The following PRPF6 variants were observed in gnomAD, a reference collection of about 807,000 sequenced individuals.
PRPF6 encodes the protein pre-mRNA processing factor 6.
In PRPF6, 42 loss-of-function variants were observed where a neutral mutation model predicts 118.3. That is an observed-to-expected ratio of 0.35 (90% confidence interval 0.28 to 0.46). The LOEUF is 0.46. Ranked by LOEUF, PRPF6 falls within the 20% of genes least tolerant of loss-of-function variation. The pLI, the probability that PRPF6 is intolerant of heterozygous loss-of-function variation, is 1.00. For synonymous variants in PRPF6, 481 were observed against 485.1 expected, an observed-to-expected ratio of 0.99 and a Z score of 0.11; for missense variants, 662 against 1,255.7, an observed-to-expected ratio of 0.53 and a Z score of 7.15.
intron 3 of PRPF6, among the ~76,000 whole-genome samples, chr20:63,986,642 C>T (rs945266724): frequency 1.3e-5 from 2 of 151,396 alleles, no homozygotes; most frequent in Non-Finnish European, 2.9e-5. Flanking sequence ...TTGCCCGCCA[C>T]CACGCCTGGC....
At chr20:64,019,100 T>G (rs1478968587) in intron 12 of PRPF6, among the ~76,000 whole-genome samples, 1 of 149,156 alleles carries the variant, frequency 6.7e-6, no homozygotes, top group Non-Finnish European at 1.5e-5. Context: ...TGGTTTTTTT[T>G]TTTTTTTTTT....
intron 12 of PRPF6, among the ~76,000 whole-genome samples, chr20:64,021,184 C>G (rs560167359): frequency 1.3e-5 from 2 of 151,994 alleles, no homozygotes; most frequent in Non-Finnish European, 2.9e-5. Flanking sequence ...CCACAGCCCT[C>G]TGTGTGTGTG....
At chr20:64,002,694 A>G (rs2059173285) in intron 9 of PRPF6, among the ~76,000 whole-genome samples, 1 of 138,036 alleles carries the variant, frequency 7.2e-6, no homozygotes, top group Non-Finnish European at 1.5e-5. Context: ...CCCAGGCTGG[A>G]GTGCAATGGC....
chr20:64,027,849 G>T lies in PRPF6; in HGVS notation c.2339+113G>T. ...TCGTGCAGTGCTTCCAGGCTCAGGG[G>T]CTTGGGGGGCGGTAGGTGCTGGCCA... On this transcript the variant is annotated intron_variant, in intron 17 of 20. Coordinates refer to ENST00000266079, the MANE Select transcript of PRPF6 (RefSeq NM_012469.4). This position sits in a 1 kb window ranked among gnomAD's most constrained non-coding sequence, Gnocchi z 6.5. 6.8e-7 allele frequency: 1 copy of T among 1,480,742 alleles called. No individual in the cohort carries two copies. The highest frequency in any genetic ancestry group is 1.1e-5 in the South Asian group (1 of 87,674). 91.7% of individuals were successfully genotyped at this position (1,480,742 alleles called of 1,614,324 possible).
chr20:64,022,797 A>G lies in PRPF6; in HGVS notation c.1688A>G (p.Tyr563Cys). 1 of 1,614,102 alleles carries G rather than the reference A, an allele frequency of 6.2e-7. No homozygotes were observed. The highest frequency in any genetic ancestry group is 8.5e-7 in the Non-Finnish European group (1 of 1,180,016). ...HNALECARAI[Y>C]AYALQVFPSK... ...GCCCTGGAGTGTGCACGAGCCATCT[A>G]CGCCTACGCCCTGCAGGTGTTCCCC... Residue 563 changes from tyrosine to cysteine, a missense_variant, in exon 13 of 21, where the codon TAC (tyrosine) becomes TGC (cysteine). Coordinates refer to ENST00000266079, the MANE Select transcript of PRPF6 (RefSeq NM_012469.4).
Position 64,032,877 on chromosome 20 carries a change from G to A in PRPF6, c.2710G>A (p.Ala904Thr), listed in dbSNP as rs768640309. ...QEEVRKRCES[A>T]EPRHGELWCA... ...GGAGGTGAGGAAGCGCTGTGAGAGT[G>A]CAGAGCCTCGGCATGGGGAGCTGTG... is the stretch of plus-strand genomic sequence containing the variant. The change falls in exon 21 of 21, where the codon GCA becomes ACA. Residue 904 changes from alanine (A) to threonine (T), a missense_variant. Coordinates refer to ENST00000266079, the MANE Select transcript of PRPF6 (RefSeq NM_012469.4). The A allele has an allele frequency of 9.3e-6, 15 of 1,612,680 alleles. No individual in the cohort carries two copies. Among genetic ancestry groups the A allele is most frequent in the Non-Finnish European group, 1.3e-5 (15 of 1,179,808 alleles).
intron 6 of PRPF6, 55 bp downstream of exon 6, chr20:63,995,537 T>C (rs2123007788): frequency 6.2e-7 from 1 of 1,603,602 alleles, no homozygotes; most frequent in Admixed American, 1.7e-5. Flanking sequence ...TTTAATTTTG[T>C]TTTGTTTTCT....
intron 9 of PRPF6, among the ~76,000 whole-genome samples, chr20:64,001,782 C>G (rs1277697593): frequency 6.6e-6 from 1 of 152,212 alleles, no homozygotes; most frequent in Non-Finnish European, 1.5e-5. Context: ...GTGTGCCTAC[C>G]AGGCAACCTG....
intron 2 of PRPF6, among the ~76,000 whole-genome samples, chr20:63,984,579 A>C (rs2059085439): frequency 6.6e-6 from 1 of 152,206 alleles, no homozygotes; most frequent in African/African-American, 2.4e-5. Context: ...GTTAACATTG[A>C]CACAGTACTA....
chr20:64,002,485 G>A (rs1226800097), intron 9 of PRPF6, among the ~76,000 whole-genome samples: 1 of 151,406 alleles, frequency 6.6e-6, no homozygotes, highest in Non-Finnish European at 1.5e-5. Flanking sequence ...ACAGGTGTGC[G>A]CCTCCATGCC....
intron 14 of PRPF6, among the ~76,000 whole-genome samples, chr20:64,025,364 G>T (rs549824596): frequency 6.6e-6 from 1 of 152,264 alleles, no homozygotes; most frequent in Admixed American, 6.5e-5. Context: ...TGATTGGGAC[G>T]CATTCAGACA....
intron 3 of PRPF6, among the ~76,000 whole-genome samples, chr20:63,985,348 C>CAA (rs112094687): frequency 0.24 from 31,835 of 135,410 alleles, 3,824 homozygotes; most frequent in African/African-American, 0.34. Context: ...GACCCTGTCT[C>CAA]AAAAAAAAAA....
At position 63,994,210 on chromosome 20, in the gene PRPF6, T is replaced by C. The variant is rs1352275386; in HGVS notation, c.439-706T>C. On this transcript the variant is annotated intron_variant, in intron 4 of 20. Coordinates refer to ENST00000266079, the MANE Select transcript of PRPF6 (RefSeq NM_012469.4). ...TTGGCTCTTGTTGCCCAGGCTGGAG[T>C]GCAATGACGCGATCTCAGCTCACCG... 2.7e-4 allele frequency among the ~76,000 whole-genome samples: 40 copies of C among 149,720 alleles called. No individual in the cohort carries two copies. In the Admixed American group the frequency reaches 2.7e-3, roughly 10 times the overall value.
At chr20:64,024,303 G>T (rs2059278176) in intron 13 of PRPF6, among the ~76,000 whole-genome samples, 1 of 152,164 alleles carries the variant, frequency 6.6e-6, no homozygotes, top group Non-Finnish European at 1.5e-5. Flanking sequence ...CTCTTGTGAA[G>T]TTCGTCTCTC....
At chr20:64,001,627 C>G (rs1299810929) in intron 9 of PRPF6, among the ~76,000 whole-genome samples, 1 of 152,188 alleles carries the variant, frequency 6.6e-6, no homozygotes, top group East Asian at 1.9e-4. Context: ...ACGTGCAGAC[C>G]CGTTGTGGGT....
chr20:64,013,060 G>A (rs1283884337), intron 11 of PRPF6, among the ~76,000 whole-genome samples: 1 of 151,724 alleles, frequency 6.6e-6, no homozygotes, highest in African/African-American at 2.4e-5. Context: ...CACCTCTTGG[G>A]TTCAAGCAGT....
Position 64,009,660 on chromosome 20 carries a change from A to G in PRPF6, c.1187-540A>G, listed in dbSNP as rs141367770. ...ATCTCTGAACCCAGGAAGCGGAGGT[A>G]GCAGTCAGCTGAGATCGTGCCATTG... On this transcript the variant is annotated intron_variant, in intron 9 of 20. Coordinates refer to ENST00000266079, the MANE Select transcript of PRPF6 (RefSeq NM_012469.4). Among the ~76,000 whole-genome samples, 62 of 152,286 alleles carry G rather than the reference A, an allele frequency of 4.1e-4. No homozygotes were observed. The East Asian group carries it at 9.3e-3, about 23-fold the overall frequency.
chr20:64,027,468 T>C lies in PRPF6; in HGVS notation c.2206-135T>C, dbSNP rs1216547470. 7.9e-7 allele frequency: 1 copy of C among 1,273,092 alleles called. No homozygotes were observed. The highest frequency in any genetic ancestry group is 1.1e-6 in the Non-Finnish European group (1 of 875,318). 78.9% of individuals were successfully genotyped at this position (1,273,092 alleles called of 1,614,324 possible). On this transcript the variant is annotated intron_variant, in intron 16 of 20. Coordinates refer to ENST00000266079, the MANE Select transcript of PRPF6 (RefSeq NM_012469.4). The surrounding 1 kb of genome is among the most constrained non-coding windows in gnomAD (Gnocchi z 6.5). ...CACCTGTACACCCACAAATGCAGAG[T>C]GTGAGGGGTGTTTTTCCATGGACAT...
At position 63,983,177 on chromosome 20, in the gene PRPF6, G is replaced by A; in HGVS notation, c.202G>A (p.Asp68Asn). 6.2e-7 allele frequency: 1 copy of A among 1,614,202 alleles called. No homozygotes were observed. Among genetic ancestry groups the A allele is most frequent in the Non-Finnish European group, 8.5e-7 (1 of 1,180,026 alleles). Reference protein sequence around the residue: ...DQMKKNQAADDDDEDLNDTNY... With the variant: ...DQMKKNQAADNDDEDLNDTNY... ...GATGAAGAAAAATCAGGCTGCTGAC[G>A]ATGACGACGAGGATCTAAATGACAC... Residue 68 changes from aspartate to asparagine, a missense_variant, in exon 2 of 21, where the codon GAT becomes AAT. Around this residue, in one of 10 missense-constraint regions of PRPF6, gnomAD observed 21 missense variants for 45.5 expected, o/e 0.46. Transcript: ENST00000266079.
Sources: gnomAD v4.1 joint callset for allele counts (sites outside exome capture counted in the v4.1 genomes callset) on GRCh38, gnomAD v4.1.1 for gene constraint, gnomAD v4.1.1 regional missense constraint, Gnocchi (gnomAD v3.1) non-coding constraint, MANE v1.5 for transcripts, NCBI Gene and HGNC (gene_info 2026-07-23, HGNC 2026-07-21) for gene names.